The following ZNF532 variants were observed in gnomAD, a reference collection of about 807,000 sequenced individuals.
ZNF532 encodes the protein zinc finger protein 532.
ZNF532 carries 22 observed loss-of-function variants against 89.3 expected under a neutral mutation model. That is an observed-to-expected ratio of 0.25 (90% CI 0.18 to 0.35). The LOEUF is 0.35. ZNF532 is among the 10% of genes least tolerant of loss of function. The pLI, the probability that ZNF532 is intolerant of heterozygous loss-of-function variation, is 1.00. For synonymous variants in ZNF532, 606 were observed against 649.6 expected (o/e 0.93, Z 1.02); for missense variants, 1,132 against 1,643.4 (o/e 0.69, Z 5.38).
At chr18:58,962,188 T>C (rs925405891) in intron 7 of ZNF532, among the ~76,000 whole-genome samples, 1 of 151,310 alleles carries the variant, frequency 6.6e-6, no homozygotes, top group Non-Finnish European at 1.5e-5. Context: ...ATTACGCCAC[T>C]GCGCTCCAGC....
intron 5 of ZNF532, among the ~76,000 whole-genome samples, chr18:58,944,650 T>A (rs2063501153): frequency 6.6e-6 from 1 of 152,120 alleles, no homozygotes; most frequent in African/African-American, 2.4e-5. Flanking sequence ...CCGGTCTCCC[T>A]GGGGATTTTC....
rs771503724 is a variant in ZNF532, at chr18:58,934,551, C to T, written c.2465C>T (p.Ser822Leu). 9 of 1,614,188 alleles carry T rather than the reference C, an allele frequency of 5.6e-6. No individual in the cohort carries two copies. The highest frequency in any genetic ancestry group is 1.3e-5 in the African/African-American group (1 of 75,054). Residue 822 changes from serine to leucine, a missense_variant, in exon 4 of 10, where the codon TCG (serine) becomes TTG (leucine). Physicochemically the swap from Ser to Leu is moderately radical, Grantham distance 145 (BLOSUM62 -2). Coordinates refer to ENST00000591808, the MANE Select transcript of ZNF532 (RefSeq NM_001375912.1). ...TCPECGAICR[S>L]VHFQTHVTKN... ...CCTGAGTGTGGGGCCATCTGCAGGTCGGTGCACTTCCAGACCCACGTCACC... is the reference window on the plus strand; with the variant it reads ...CCTGAGTGTGGGGCCATCTGCAGGTTGGTGCACTTCCAGACCCACGTCACC...
Position 58,984,709 on chromosome 18 carries a change from G to T in ZNF532, c.*243G>T, listed in dbSNP as rs1262507319. 6 of 353,820 alleles carry T rather than the reference G, an allele frequency of 1.7e-5. No homozygotes were observed. The highest frequency in any genetic ancestry group is 3.0e-5 in the Non-Finnish European group (6 of 199,826). 21.9% of individuals were successfully genotyped at this position (353,820 alleles called of 1,614,324 possible). A position where few individuals can be genotyped will look rare whatever the true frequency, so the allele number is the denominator to read the frequency against. On this transcript the variant is annotated 3_prime_UTR_variant, in exon 10 of 10. Transcript: ENST00000591808. ...TTTTTATACTCTTTGTTACATGTTTGTATCAGTATTTAGTGGAAAACCATT... is the reference window on the plus strand; with the variant it reads ...TTTTTATACTCTTTGTTACATGTTTTTATCAGTATTTAGTGGAAAACCATT...
intron 7 of ZNF532, among the ~76,000 whole-genome samples, chr18:58,968,800 G>C (rs529082802): frequency 6.6e-6 from 1 of 152,164 alleles, no homozygotes; most frequent in African/African-American, 2.4e-5. Flanking sequence ...TGCAGTGCCT[G>C]GTGAGGCTGT....
intron 2 of ZNF532, among the ~76,000 whole-genome samples, chr18:58,912,797 G>A (rs1352517141): frequency 3.3e-5 from 5 of 152,038 alleles, no homozygotes; most frequent in African/African-American, 4.8e-5. Flanking sequence ...GTGTGTCTGC[G>A]TGTATGCTAT....
chr18:58,900,278 T>C (rs1013386433), intron 2 of ZNF532, among the ~76,000 whole-genome samples: 1 of 152,188 alleles, frequency 6.6e-6, no homozygotes, highest in Non-Finnish European at 1.5e-5. Context: ...CTAGGAGACT[T>C]GTCCATGCTT....
At chr18:58,965,106 C>G (rs1238573735) in intron 7 of ZNF532, among the ~76,000 whole-genome samples, 2 of 151,480 alleles carry the variant, frequency 1.3e-5, no homozygotes, top group Non-Finnish European at 2.9e-5. Flanking sequence ...CTGAAGTCCT[C>G]CACTTGATTT....
chr18:58,901,799 T>G (rs1165127809), intron 2 of ZNF532, among the ~76,000 whole-genome samples: 1 of 152,164 alleles, frequency 6.6e-6, no homozygotes, highest in East Asian at 1.9e-4. Context: ...CCATCTCCTC[T>G]GGAGCTCCAG....
At chr18:58,898,936 AG>A (rs2059418852) in intron 2 of ZNF532, among the ~76,000 whole-genome samples, 1 of 152,244 alleles carries the variant, frequency 6.6e-6, no homozygotes, top group African/African-American at 2.4e-5. Context: ...ATGAAACAAA[AG>A]TTTCCCATGA....
chr18:58,864,909 C>G lies in ZNF532; in HGVS notation c.-604C>G, dbSNP rs977199010. 1 of 152,290 alleles carries G rather than the reference C, an allele frequency of 6.6e-6. No homozygotes were observed. The highest frequency in any genetic ancestry group is 1.5e-5 in the Non-Finnish European group (1 of 68,162). 9.4% of individuals were successfully genotyped at this position (152,290 alleles called of 1,614,324 possible). ...TAGCAGCTTCCTCCCTTCATGGCAG[C>G]CAAAAGCAGAGGAGCTTGCAGGAAG... On this transcript the variant is annotated 5_prime_UTR_variant, in exon 1 of 10. Transcript: ENST00000591808.
intron 5 of ZNF532, among the ~76,000 whole-genome samples, chr18:58,945,891 C>T (rs1044244101): frequency 6.6e-6 from 1 of 152,056 alleles, no homozygotes; most frequent in Admixed American, 6.6e-5. Flanking sequence ...CCATGCCCTG[C>T]TAATTCTTTT....
intron 5 of ZNF532, among the ~76,000 whole-genome samples, chr18:58,941,950 T>C (rs1325756933): frequency 1.6e-4 from 22 of 135,304 alleles, no homozygotes; most frequent in Admixed American, 1.5e-4. Context: ...TTCTTTCCTT[T>C]CCTCCCTCCC....
intron 5 of ZNF532, among the ~76,000 whole-genome samples, chr18:58,942,643 T>C (rs901509105): frequency 2.0e-5 from 3 of 151,728 alleles, no homozygotes; most frequent in Non-Finnish European, 4.4e-5. Context: ...TTCCCGGAGA[T>C]AACCCTCCCT....
chr18:58,974,132 T>TG (rs2066778594), intron 7 of ZNF532, among the ~76,000 whole-genome samples: 1 of 152,230 alleles, frequency 6.6e-6, no homozygotes, highest in Admixed American at 6.5e-5. Context: ...CAGTTTTTTT[T>TG]GCGGTAAAAT....
rs539978420 is a variant in ZNF532, at chr18:58,923,746, G to T, written c.2346+3113G>T. Among the ~76,000 whole-genome samples the T allele has an allele frequency of 7.2e-5, 11 of 152,346 alleles. 1 individual carries two copies. In the South Asian group the frequency reaches 2.3e-3, roughly 32 times the overall value. On this transcript the variant is annotated intron_variant, in intron 3 of 9. Coordinates refer to ENST00000591808, the MANE Select transcript of ZNF532 (RefSeq NM_001375912.1). ...ATTACACAGAACTTGGTTTCTGTCTGAGGATGGCACTTAAAACACACATGA... is the reference window on the plus strand; with the variant it reads ...ATTACACAGAACTTGGTTTCTGTCTTAGGATGGCACTTAAAACACACATGA...
At chr18:58,887,531 C>T (rs977497141) in intron 2 of ZNF532, among the ~76,000 whole-genome samples, 7 of 152,034 alleles carry the variant, frequency 4.6e-5, no homozygotes, top group African/African-American at 1.7e-4. Context: ...TATTTATTTC[C>T]GGGGTGATGC....
Position 58,953,537 on chromosome 18 carries a change from A to G in ZNF532, c.2888A>G (p.Lys963Arg). 3.1e-6 allele frequency: 5 copies of G among 1,610,872 alleles called. No homozygotes were observed. The highest frequency in any genetic ancestry group is 4.2e-6 in the Non-Finnish European group (5 of 1,178,566). The change falls in exon 7 of 10, where the codon AAA becomes AGA. Residue 963 changes from lysine (K) to arginine (R), a missense_variant. Coordinates refer to ENST00000591808, the MANE Select transcript of ZNF532 (RefSeq NM_001375912.1). ...ATGTAGTCTATGCATGGAACATTGA[A>G]AAGTATTGAAGGGCCTCCAAACTTG... ...DHIKSMHGTLKSIEGPPNLGI... is the reference protein window; with the variant it reads ...DHIKSMHGTLRSIEGPPNLGI...
rs1202520280 is a variant in ZNF532 at position 58,984,682 on chromosome 18, A to G, written c.*216A>G. 2.2e-6 allele frequency: 1 copy of G among 451,406 alleles called. No individual in the cohort carries two copies. The highest frequency in any genetic ancestry group is 3.9e-5 in the East Asian group (1 of 25,588). The allele number at this position is 451,406 out of a possible 1,614,324, so 28.0% of individuals were successfully genotyped here. A position where few individuals can be genotyped will look rare whatever the true frequency, so the allele number is the denominator to read the frequency against. ...GAGTTTGTATATATTTAAATGAATAACTTTTTATACTCTTTGTTACATGTT... is the reference window on the plus strand; with the variant it reads ...GAGTTTGTATATATTTAAATGAATAGCTTTTTATACTCTTTGTTACATGTT... On this transcript the variant is annotated 3_prime_UTR_variant, in exon 10 of 10. Transcript: ENST00000591808.
chr18:58,919,044 C>G lies in ZNF532; in HGVS notation c.757C>G (p.Leu253Val), dbSNP rs143556154. 1,789 of 1,613,924 alleles carry G rather than the reference C, an allele frequency of 1.1e-3. 18 individuals carry two copies. The Middle Eastern group carries it at 0.03, about 27-fold the overall frequency. ...GAGCTCCGAGAAGAATGACACCAGCCTCCCCAGCGTTGCGCCATCAAAGAC... is the reference window on the plus strand; with the variant it reads ...GAGCTCCGAGAAGAATGACACCAGCGTCCCCAGCGTTGCGCCATCAAAGAC... ...KLSSEKNDTSLPSVAPSKTKS... is the reference protein window; with the variant it reads ...KLSSEKNDTSVPSVAPSKTKS... The change falls in exon 3 of 10, where the codon CTC becomes GTC. Residue 253 changes from leucine (L) to valine (V), a missense_variant. Around this residue, in one of 9 missense-constraint regions of ZNF532, gnomAD observed 302 missense variants for 319.8 expected, o/e 0.94. Transcript: ENST00000591808. This position sits in a 1 kb window ranked among gnomAD's most constrained non-coding sequence, Gnocchi z 6.1.
Sources: gnomAD v4.1 joint callset for allele counts (sites outside exome capture counted in the v4.1 genomes callset) on GRCh38, gnomAD v4.1.1 for gene constraint, gnomAD v4.1.1 regional missense constraint, Gnocchi (gnomAD v3.1) non-coding constraint, MANE v1.5 for transcripts, NCBI Gene and HGNC (gene_info 2026-07-23, HGNC 2026-07-21) for gene names.